Variants in TRIT1 observed in about 807,000 individuals in gnomAD.
TRIT1 encodes tRNA isopentenyltransferase 1.
A neutral mutation model predicts 51.2 loss-of-function variants in TRIT1; 43 were observed. That is an observed-to-expected ratio of 0.84 (90% CI 0.66 to 1.08). TRIT1 has a LOEUF of 1.08. TRIT1 is among the 50% of genes least tolerant of loss of function. The pLI, the probability that TRIT1 is intolerant of heterozygous loss-of-function variation, is 0.00. For synonymous variants in TRIT1, 184 were observed against 203.9 expected (o/e 0.90, Z 0.83); for missense variants, 528 against 578.4 (o/e 0.91, Z 0.89).
At chr1:39,870,671 A>G (rs1643849169) in intron 1 of TRIT1, among the ~76,000 whole-genome samples, 1 of 152,034 alleles carries the variant, frequency 6.6e-6, no homozygotes, top group Non-Finnish European at 1.5e-5. Context: ...AGAGATACAG[A>G]AGAACACGAA....
rs540698028 is a variant in TRIT1 at position 39,838,382 on chromosome 1, G to C, written c.*3362C>G. 2.6e-5 allele frequency among the ~76,000 whole-genome samples: 4 copies of C among 152,318 alleles called. No individual in the cohort carries two copies. Among genetic ancestry groups the C allele is most frequent in the African/African-American group, 7.2e-5 (3 of 41,566 alleles). ...CATGCAATTGATTCAACAAATATTT[G>C]ACTGTGTCTAGGTGCTAGGGATATT... On this transcript the variant is annotated 3_prime_UTR_variant, in exon 11 of 11. Transcript: ENST00000316891.
At chr1:39,883,191 A>C in intron 1 of TRIT1, 127 bp downstream of exon 1, 1 of 974,116 alleles carries the variant, frequency 1.0e-6, no homozygotes, top group South Asian at 1.7e-5. Flanking sequence ...CTTAGTAAGT[A>C]TGGGCTCCCT....
chr1:39,883,378 CG>C lies in TRIT1; in HGVS notation c.113del (p.Thr38SerfsTer6). 6.2e-7 allele frequency: 1 copy of C among 1,613,466 alleles called. No individual in the cohort carries two copies. On this transcript the variant is annotated frameshift_variant, in exon 1 of 11. Transcript: ENST00000316891. LOFTEE classifies it high-confidence loss of function. Reference protein sequence around the residue: ...ILGATGTGKSTLALQLGQRLG... With the variant: ...ILGATGTGKSXLALQLGQRLG... ...GCCGCTGGCCTAGCTGCAACGCCAGCGTGGATTTGCCGGTGCCCGTGGCCCC... is the reference window on the plus strand; with the variant it reads ...GCCGCTGGCCTAGCTGCAACGCCAGCTGGATTTGCCGGTGCCCGTGGCCCC...
At chr1:39,863,445 G>C (rs1643359844) in intron 1 of TRIT1, among the ~76,000 whole-genome samples, 1 of 152,156 alleles carries the variant, frequency 6.6e-6, no homozygotes, top group African/African-American at 2.4e-5. Flanking sequence ...GGGCAACAGA[G>C]CAAGACCCTG....
intron 1 of TRIT1, among the ~76,000 whole-genome samples, chr1:39,867,387 C>T (rs1467973139): frequency 1.3e-5 from 2 of 152,164 alleles, no homozygotes; most frequent in East Asian, 1.9e-4. Context: ...TCAGGTGATC[C>T]GCCCGCCTTG....
rs777355124 is a variant in TRIT1, at chr1:39,839,339, T to G, written c.*2405A>C. 2.0e-5 allele frequency among the ~76,000 whole-genome samples: 3 copies of G among 152,138 alleles called. No individual in the cohort carries two copies. The highest frequency in any genetic ancestry group is 1.5e-5 in the Non-Finnish European group (1 of 68,030). On this transcript the variant is annotated 3_prime_UTR_variant, in exon 11 of 11. Transcript: ENST00000316891. Reference sequence around the variant, plus strand: ...TTTGGTATGAGATTTAGTAATAGAGTAAGAAAGGTGATCTAAGGTTTGTCC... The same window carrying G: ...TTTGGTATGAGATTTAGTAATAGAGGAAGAAAGGTGATCTAAGGTTTGTCC...
In TRIT1 at chr1:39,883,378, C is replaced by T; in HGVS notation, c.114G>A (p.Thr38=). The part of the protein sequence containing the change: ...ILGATGTGKS[T]LALQLGQRLG... ...GCCGCTGGCCTAGCTGCAACGCCAG[C>T]GTGGATTTGCCGGTGCCCGTGGCCC... The change falls in exon 1 of 11, where the codon ACG becomes ACA. Residue 38 remains threonine, a synonymous_variant. Transcript: ENST00000316891. 6.2e-7 allele frequency: 1 copy of T among 1,613,466 alleles called. No homozygotes were observed. Among genetic ancestry groups the T allele is most frequent in the African/African-American group, 1.3e-5 (1 of 75,036 alleles).
chr1:39,841,538 C>T lies in TRIT1; in HGVS notation c.*206G>A. On this transcript the variant is annotated 3_prime_UTR_variant, in exon 11 of 11. Transcript: ENST00000316891. ...TGAACTACATCATTTCCAGACACAT[C>T]AGCCACACAAGGAGCTGACAAGACC... 2.1e-6 allele frequency: 1 copy of T among 472,538 alleles called. No individual in the cohort carries two copies. The highest frequency in any genetic ancestry group is 3.7e-6 in the Non-Finnish European group (1 of 270,658). The allele number at this position is 472,538 out of a possible 1,614,324, so 29.3% of individuals were successfully genotyped here. A position where few individuals can be genotyped will look rare whatever the true frequency, so the allele number is the denominator to read the frequency against.
intron 1 of TRIT1, among the ~76,000 whole-genome samples, chr1:39,879,951 C>T (rs1644198421): frequency 1.3e-5 from 2 of 148,228 alleles, no homozygotes; most frequent in Non-Finnish European, 3.0e-5. Context: ...TTGAGGTGGG[C>T]GGATCACGAG....
At chr1:39,870,221 T>A (rs1280501929) in intron 1 of TRIT1, among the ~76,000 whole-genome samples, 2 of 152,182 alleles carry the variant, frequency 1.3e-5, no homozygotes, top group Non-Finnish European at 2.9e-5. Flanking sequence ...CCCAACCCCG[T>A]GCTCTCTGAA....
intron 1 of TRIT1, among the ~76,000 whole-genome samples, chr1:39,876,743 A>G (rs1408190161): frequency 6.6e-6 from 1 of 151,838 alleles, no homozygotes; most frequent in Admixed American, 6.6e-5. Flanking sequence ...CCTGGCTAAC[A>G]CGGTGAAACC....
chr1:39,851,048 T>C (rs761912574), intron 4 of TRIT1, among the ~76,000 whole-genome samples: 1 of 152,192 alleles, frequency 6.6e-6, no homozygotes, highest in Non-Finnish European at 1.5e-5. Flanking sequence ...GATTGCAACT[T>C]ATCAGCCTGA....
chr1:39,870,513 TAAAAA>T (rs60334518), intron 1 of TRIT1, among the ~76,000 whole-genome samples: 9 of 78,780 alleles, frequency 1.1e-4, no homozygotes, highest in African/African-American at 2.5e-4. Flanking sequence ...CAATAAATAC[TAAAAA>T]AAAAAAAAAA....
chr1:39,851,869 C>T lies in TRIT1; in HGVS notation c.560+862G>A, dbSNP rs1642595190. The stretch of plus-strand genomic sequence containing the variant: ...AGGCCGAGGCAGGAGGACATCTGAG[C>T]CCAGGAGGTCAAGGCTGCAGTGAGC... On this transcript the variant is annotated intron_variant, in intron 4 of 10. Transcript: ENST00000316891. 2.0e-5 allele frequency among the ~76,000 whole-genome samples: 3 copies of T among 151,528 alleles called. No homozygotes were observed. In the South Asian group the frequency reaches 6.3e-4, roughly 32 times the overall value.
chr1:39,881,322 C>CT (rs1644259602), intron 1 of TRIT1, among the ~76,000 whole-genome samples: 1 of 151,748 alleles, frequency 6.6e-6, no homozygotes, highest in African/African-American at 2.4e-5. Flanking sequence ...TACTGAAACT[C>CT]TTATTACTTA....
At chr1:39,878,793 A>G (rs1446585575) in intron 1 of TRIT1, among the ~76,000 whole-genome samples, 1 of 152,202 alleles carries the variant, frequency 6.6e-6, no homozygotes, top group African/African-American at 2.4e-5. Context: ...GATTCTATTA[A>G]TATCTCTTAG....
At chr1:39,876,168 T>A (rs542022704) in intron 1 of TRIT1, 1 of 152,298 alleles carries the variant, frequency 6.6e-6, no homozygotes, top group African/African-American at 2.4e-5. Flanking sequence ...CATTAAATCA[T>A]AATGGAGCAC....
chr1:39,843,971 C>G, intron 10 of TRIT1, 130 bp downstream of exon 10: 1 of 603,350 alleles, frequency 1.7e-6, no homozygotes, highest in Non-Finnish European at 2.9e-6. Context: ...AGCACAGGCT[C>G]TTAGAGGAAT....
intron 1 of TRIT1, among the ~76,000 whole-genome samples, chr1:39,866,466 T>G (rs918771873): frequency 6.6e-6 from 1 of 152,322 alleles, no homozygotes; most frequent in African/African-American, 2.4e-5. Flanking sequence ...TTTAGACAAA[T>G]TCAACTGAAG....
Sources: allele counts gnomAD v4.1 joint callset (sites outside exome capture counted in the v4.1 genomes callset), GRCh38; gene constraint gnomAD v4.1.1; transcripts MANE v1.5; gene names NCBI Gene and HGNC (gene_info 2026-07-23, HGNC 2026-07-21).